Variants in FBLN2 observed in about 807,000 individuals in gnomAD.
The protein encoded by FBLN2 is fibulin 2, also known as fibulin-2.
FBLN2 carries 81 observed loss-of-function variants against 123.7 expected under a neutral mutation model. The ratio of observed to expected loss-of-function variants is 0.65; its 90% CI spans 0.55 to 0.79. The LOEUF is 0.79. Among genes scored for constraint, FBLN2 ranks in the 30% least tolerant of loss-of-function variants. FBLN2 has a pLI of 0.00. For missense variants in FBLN2, 1,603 were observed against 1,681.3 expected, an observed-to-expected ratio of 0.95 and a Z score of 0.81; for synonymous variants, 699 against 701.4, an observed-to-expected ratio of 1.00 and a Z score of 0.05.
Position 13,626,564 on chromosome 3 carries a change from G to A in FBLN2, c.2416G>A (p.Asp806Asn), listed in dbSNP as rs1706046726. 7 of 1,549,268 alleles carry A rather than the reference G, an allele frequency of 4.5e-6. No individual in the cohort carries two copies. The highest frequency in any genetic ancestry group is 6.1e-6 in the Non-Finnish European group (7 of 1,145,490). ...LTCEPGYALK[D>N]GECEDVDECA... is the part of the protein sequence containing the mutation. ...CTGTGAGCCAGGCTATGCCCTCAAG[G>A]ATGGCGAGTGCGAAGGTGAGAAGGG... is the stretch of plus-strand genomic sequence containing the variant. The change falls in exon 10 of 18, where the codon GAT becomes AAT. Residue 806 changes from aspartate (D) to asparagine (N), a missense_variant. Transcript: ENST00000404922.
intron 1 of FBLN2, among the ~76,000 whole-genome samples, chr3:13,561,236 C>A (rs902496208): frequency 1.3e-5 from 2 of 152,144 alleles, no homozygotes; most frequent in African/African-American, 4.8e-5. Flanking sequence ...CCAGATTTCT[C>A]AAAAGGGGTG....
chr3:13,626,645 C>A, intron 10 of FBLN2, 66 bp downstream of exon 10: 1 of 1,467,844 alleles, frequency 6.8e-7, no homozygotes, highest in South Asian at 1.4e-5. Flanking sequence ...CCGCCCCTCC[C>A]TGGTCCCACC....
intron 2 of FBLN2, 149 bp from the exon 3 acceptor site, chr3:13,607,913 T>A: frequency 1.6e-6 from 1 of 627,104 alleles, no homozygotes; most frequent in East Asian, 2.8e-5. Flanking sequence ...CAAAGACAGT[T>A]GTGTTGTGAG....
chr3:13,574,073 T>C (rs901631732), intron 2 of FBLN2, among the ~76,000 whole-genome samples: 1 of 152,162 alleles, frequency 6.6e-6, no homozygotes, highest in Non-Finnish European at 1.5e-5. Context: ...ACTACGCGGC[T>C]CAGCAATCAC....
In FBLN2 at chr3:13,608,244, C is replaced by T. The variant is rs1372787413; in HGVS notation, c.1418+71C>T. 8.3e-6 allele frequency: 9 copies of T among 1,090,484 alleles called. No homozygotes were observed. The East Asian group carries it at 2.1e-4, about 25-fold the overall frequency. The allele number at this position is 1,090,484 out of a possible 1,614,324, so 67.6% of individuals were successfully genotyped here. A position where few individuals can be genotyped will look rare whatever the true frequency, so the allele number is the denominator to read the frequency against. On this transcript the variant is annotated intron_variant, in intron 3 of 17. Coordinates refer to ENST00000404922, the MANE Select transcript of FBLN2 (RefSeq NM_001004019.2). Reference sequence around the variant, plus strand: ...TCCAGAACCCTGCTTGCCTAGGACCCCAGGCTCCAGGCAGCCCGGAGAGAG... The same window carrying T: ...TCCAGAACCCTGCTTGCCTAGGACCTCAGGCTCCAGGCAGCCCGGAGAGAG...
chr3:13,610,226 G>C (rs568916622), intron 4 of FBLN2, among the ~76,000 whole-genome samples: 1 of 152,318 alleles, frequency 6.6e-6, no homozygotes, highest in East Asian at 1.9e-4. Context: ...TGTGGCTGGA[G>C]TGCATCGAGT....
intron 2 of FBLN2, among the ~76,000 whole-genome samples, chr3:13,593,747 C>T (rs1574967630): frequency 6.8e-6 from 1 of 148,126 alleles, no homozygotes; most frequent in South Asian, 2.1e-4. Flanking sequence ...AAGATAATTG[C>T]CCCTAGCCTG....
intron 2 of FBLN2, among the ~76,000 whole-genome samples, chr3:13,601,875 G>A (rs1367386367): frequency 6.6e-6 from 1 of 152,202 alleles, no homozygotes; most frequent in African/African-American, 2.4e-5. Flanking sequence ...ATGGCTCACT[G>A]AAGCCTCCAT....
intron 9 of FBLN2, among the ~76,000 whole-genome samples, chr3:13,623,966 G>A (rs1300630017): frequency 2.6e-5 from 4 of 152,214 alleles, no homozygotes; most frequent in African/African-American, 4.8e-5. Flanking sequence ...ACAGTATTGG[G>A]TGTGACCTGT....
chr3:13,614,784 T>TCCAA (rs1234188044), intron 5 of FBLN2, among the ~76,000 whole-genome samples: 2 of 151,710 alleles, frequency 1.3e-5, no homozygotes, highest in African/African-American at 4.8e-5. Context: ...CGTTTGTTTA[T>TCCAA]CCATCCATCC....
At chr3:13,556,585 A>G (rs1703470058) in intron 1 of FBLN2, among the ~76,000 whole-genome samples, 2 of 152,328 alleles carry the variant, frequency 1.3e-5, no homozygotes, top group African/African-American at 2.4e-5. Context: ...GAGGATGGAA[A>G]CACTGTAACA....
At chr3:13,603,505 C>T (rs955532742) in intron 2 of FBLN2, among the ~76,000 whole-genome samples, 2 of 150,710 alleles carry the variant, frequency 1.3e-5, no homozygotes, top group Non-Finnish European at 1.5e-5. Context: ...TCTGTCCTTG[C>T]AATAATTTGC....
chr3:13,555,437 T>A (rs566083543), intron 1 of FBLN2, among the ~76,000 whole-genome samples: 5 of 151,918 alleles, frequency 3.3e-5, no homozygotes, highest in African/African-American at 4.8e-5. Context: ...GTTTTTTTTT[T>A]ATTTATTTTT....
At chr3:13,597,887 T>C (rs1252854488) in intron 2 of FBLN2, among the ~76,000 whole-genome samples, 1 of 152,204 alleles carries the variant, frequency 6.6e-6, no homozygotes, top group African/African-American at 2.4e-5. Flanking sequence ...TGCTGGGCCA[T>C]GTCACTGCCA....
intron 5 of FBLN2, among the ~76,000 whole-genome samples, chr3:13,615,728 A>T (rs973920776): frequency 1.3e-5 from 2 of 152,242 alleles, no homozygotes; most frequent in Admixed American, 1.3e-4. Flanking sequence ...CAGAGGGGGA[A>T]GATGAGGCCC....
In FBLN2 at chr3:13,614,156, C is replaced by T; in HGVS notation, c.1721C>T (p.Pro574Leu). ...VRRPPEPAAA[P>L]RRVSEAEMAG... ...CGACCTCCAGAGCCCGCAGCTGCAC[C>T]ACGGAGAGGTGAGTGCTGCTCTTCC... The change falls in exon 5 of 18, where the codon CCA becomes CTA. Residue 574 changes from proline (P) to leucine (L), a missense_variant. Pro to Leu is a moderately conservative substitution (Grantham distance 98, BLOSUM62 -3). Transcript: ENST00000404922. The T allele has an allele frequency of 6.2e-7, 1 of 1,611,372 alleles. No homozygotes were observed. Among genetic ancestry groups the T allele is most frequent in the Non-Finnish European group, 8.5e-7 (1 of 1,179,770 alleles).
Position 13,637,702 on chromosome 3 carries a change from CGG to C in FBLN2, c.3483_3484del (p.Asp1162HisfsTer11). ...CGCATTGGCCCCGCGCCAGCCTTCA[CGG>C]GGGACACCATCGCCCTGAACATCAT... On this transcript the variant is annotated frameshift_variant, in exon 18 of 18. Transcript: ENST00000404922. LOFTEE classifies it high-confidence loss of function. 6.2e-7 allele frequency: 1 copy of C among 1,614,026 alleles called. No individual in the cohort carries two copies. The highest frequency in any genetic ancestry group is 8.5e-7 in the Non-Finnish European group (1 of 1,179,886).
chr3:13,561,734 G>A (rs1372382228), intron 1 of FBLN2, among the ~76,000 whole-genome samples: 3 of 152,206 alleles, frequency 2.0e-5, no homozygotes, highest in Non-Finnish European at 4.4e-5. Context: ...GCTGCATGCG[G>A]GTAGGACTTT....
intron 2 of FBLN2, among the ~76,000 whole-genome samples, chr3:13,571,992 C>T (rs183903839): frequency 1.2e-3 from 183 of 152,296 alleles, no homozygotes; most frequent in African/African-American, 4.3e-3. Flanking sequence ...TGCCTCAGCC[C>T]GGTAGGCCCC....
Sources: allele counts gnomAD v4.1 joint callset (sites outside exome capture counted in the v4.1 genomes callset), GRCh38; gene constraint gnomAD v4.1.1; transcripts MANE v1.5; gene names NCBI Gene and HGNC (gene_info 2026-07-23, HGNC 2026-07-21).